Variants in LRRTM4 observed in about 807,000 individuals in gnomAD.
LRRTM4 encodes leucine rich repeat transmembrane neuronal 4, also known as leucine-rich repeat transmembrane neuronal protein 4.
LRRTM4 carries 25 observed loss-of-function variants against 47.6 expected under a neutral mutation model. The ratio of observed to expected loss-of-function variants is 0.53; its 90% confidence interval spans 0.38 to 0.73. The LOEUF is 0.73. LRRTM4 is among the 30% of genes least tolerant of loss of function. LRRTM4 has a pLI of 0.00. For missense variants in LRRTM4, 638 were observed against 713.4 expected (o/e 0.89, Z 1.20); for synonymous variants, 311 against 269.5 (o/e 1.15, Z -1.51).
In LRRTM4 at chr2:77,223,445, T is replaced by C. The variant is rs1674703659; in HGVS notation, c.1551+294873A>G. On this transcript the variant is annotated intron_variant, in intron 3 of 3. Coordinates refer to ENST00000409884, the MANE Select transcript of LRRTM4 (RefSeq NM_001134745.3). ...TCCCTGTTTGCAGATGACATGATTG[T>C]ATATCTAGAAAACCCCATTGTCTCA... Among the ~76,000 whole-genome samples, 7 of 152,178 alleles carry C rather than the reference T, an allele frequency of 4.6e-5. No homozygotes were observed. The South Asian group carries it at 1.4e-3, about 32-fold the overall frequency.
chr2:77,282,676 C>A (rs61624905), intron 3 of LRRTM4, among the ~76,000 whole-genome samples: 1 of 151,616 alleles, frequency 6.6e-6, no homozygotes, highest in Admixed American at 6.6e-5. Context: ...ATAGAAAACC[C>A]GGAAAATAAG....
At chr2:77,459,147 C>T (rs1676678819) in intron 3 of LRRTM4, among the ~76,000 whole-genome samples, 1 of 151,944 alleles carries the variant, frequency 6.6e-6, no homozygotes, top group Non-Finnish European at 1.5e-5. Flanking sequence ...TTAAAAGCTC[C>T]ACTCTATAAA....
At chr2:77,212,387 T>C (rs1466090598) in intron 3 of LRRTM4, among the ~76,000 whole-genome samples, 1 of 150,388 alleles carries the variant, frequency 6.6e-6, no homozygotes, top group Non-Finnish European at 1.5e-5. Context: ...CATATATATA[T>C]ATGAATTTTG....
intron 3 of LRRTM4, among the ~76,000 whole-genome samples, chr2:76,980,016 C>T (rs10208087): frequency 0.19 from 28,622 of 151,992 alleles, 2,894 homozygotes; most frequent in African/African-American, 0.26. Context: ...TAGCTCTAGA[C>T]CCAAGTTCAG....
chr2:77,498,896 A>G (rs576072602), intron 3 of LRRTM4, among the ~76,000 whole-genome samples: 27 of 151,970 alleles, frequency 1.8e-4, no homozygotes, highest in Non-Finnish European at 2.7e-4. Context: ...AATTCTCTCA[A>G]TTTAGAAGTT....
At chr2:76,968,721 C>T (rs62170356) in intron 3 of LRRTM4, among the ~76,000 whole-genome samples, 2 of 151,360 alleles carry the variant, frequency 1.3e-5, no homozygotes, top group East Asian at 4.0e-4. Context: ...CCACACTCTC[C>T]GGTAAGGATC....
intron 3 of LRRTM4, among the ~76,000 whole-genome samples, chr2:76,845,471 C>G (rs1295279824): frequency 1.3e-5 from 2 of 151,902 alleles, no homozygotes; most frequent in Non-Finnish European, 2.9e-5. Context: ...AAACAAGGTG[C>G]AGTAACGTGA....
intron 3 of LRRTM4, among the ~76,000 whole-genome samples, chr2:77,351,899 G>C (rs988297631): frequency 3.3e-5 from 5 of 152,028 alleles, no homozygotes; most frequent in African/African-American, 1.2e-4. Flanking sequence ...TGAAATGTAT[G>C]TAGAAATGGT....
At chr2:77,057,257 G>C (rs1193471603) in intron 3 of LRRTM4, among the ~76,000 whole-genome samples, 1 of 152,048 alleles carries the variant, frequency 6.6e-6, no homozygotes, top group Non-Finnish European at 1.5e-5. Flanking sequence ...ATAAAACATA[G>C]GATAAAGTTT....
intron 3 of LRRTM4, among the ~76,000 whole-genome samples, chr2:76,795,890 T>C (rs1675280863): frequency 6.6e-6 from 1 of 151,830 alleles, no homozygotes; most frequent in Non-Finnish European, 1.5e-5. Context: ...ATTTCTGCAT[T>C]TCCATCTGAG....
chr2:76,855,847 T>C (rs1228736464), intron 3 of LRRTM4, among the ~76,000 whole-genome samples: 9 of 151,962 alleles, frequency 5.9e-5, no homozygotes, highest in Admixed American at 1.3e-4. Context: ...ATAACGCTGT[T>C]ATTGAAGGGT....
chr2:77,305,495 G>C (rs768650881), intron 3 of LRRTM4, among the ~76,000 whole-genome samples: 16 of 152,050 alleles, frequency 1.1e-4, no homozygotes, highest in Non-Finnish European at 2.1e-4. Context: ...CATTTATTAA[G>C]ACTTGTGCCT....
rs1223868707 is a variant in LRRTM4 at position 76,812,779 on chromosome 2, TCCTCCTCTCCCTCCCCCC to T, written c.1552-63881_1552-63864del. ...CTTCTCCTCCTCCTCTCCCTCCCCC[TCCTCCTCTCCCTCCCCCC>T]CCTCCTCCTCCTTATTCTTCCTCTT... On this transcript the variant is annotated intron_variant, in intron 3 of 3. Coordinates refer to ENST00000409884, the MANE Select transcript of LRRTM4 (RefSeq NM_001134745.3). Among the ~76,000 whole-genome samples, 17 of 60,868 alleles carry T rather than the reference TCCTCCTCTCCCTCCCCCC, an allele frequency of 2.8e-4. No individual in the cohort carries two copies. The East Asian group carries it at 3.0e-3, about 11-fold the overall frequency. The allele number at this position is 60,868 out of a possible 152,430, so 39.9% of individuals were successfully genotyped here.
At chr2:76,819,790 T>C (rs1671003206) in intron 3 of LRRTM4, among the ~76,000 whole-genome samples, 2 of 151,946 alleles carry the variant, frequency 1.3e-5, no homozygotes, top group South Asian at 2.1e-4. Flanking sequence ...TCTAAAATTC[T>C]ATTTTCATGT....
intron 3 of LRRTM4, among the ~76,000 whole-genome samples, chr2:76,780,559 G>A (rs1674316486): frequency 1.3e-5 from 2 of 151,994 alleles, no homozygotes; most frequent in Admixed American, 1.3e-4. Context: ...ATCGGCTCCT[G>A]AGGCTTCTGC....
At chr2:76,845,572 C>A (rs1651866016) in intron 3 of LRRTM4, among the ~76,000 whole-genome samples, 1 of 152,044 alleles carries the variant, frequency 6.6e-6, no homozygotes, top group African/African-American at 2.4e-5. Flanking sequence ...GGGACCTGGT[C>A]CTGTGAGCTC....
chr2:77,023,752 G>A (rs1293337646), intron 3 of LRRTM4, among the ~76,000 whole-genome samples: 1 of 152,182 alleles, frequency 6.6e-6, no homozygotes, highest in East Asian at 1.9e-4. Flanking sequence ...CACTCAACAA[G>A]GCTCTAGGGA....
chr2:76,817,526 A>G (rs1190942274), intron 3 of LRRTM4, among the ~76,000 whole-genome samples: 4 of 151,942 alleles, frequency 2.6e-5, no homozygotes, highest in Non-Finnish European at 5.9e-5. Flanking sequence ...TTTAAATGAA[A>G]TAATGGCTTC....
chr2:76,872,658 C>A (rs1285296671), intron 3 of LRRTM4, among the ~76,000 whole-genome samples: 1 of 151,924 alleles, frequency 6.6e-6, no homozygotes, highest in Non-Finnish European at 1.5e-5. Flanking sequence ...GTGTATGATA[C>A]CTTTTATCTC....
Sources: allele counts gnomAD v4.1 joint callset (sites outside exome capture counted in the v4.1 genomes callset), GRCh38; gene constraint gnomAD v4.1.1; transcripts MANE v1.5; gene names NCBI Gene and HGNC (gene_info 2026-07-23, HGNC 2026-07-21).